LHX8: variants seen among roughly 807,000 people sequenced by gnomAD.
LHX8 encodes LIM homeobox 8.
In LHX8, 12 loss-of-function variants were observed where a neutral mutation model predicts 40.3. The observed-to-expected ratio is 0.30, with a 90% CI of 0.19 to 0.48. LHX8 has a LOEUF of 0.48. LHX8 is among the 20% of genes least tolerant of loss of function. The pLI is 0.99. For synonymous variants in LHX8, 179 were observed against 162.0 expected, an observed-to-expected ratio of 1.10 and a Z score of -0.80; for missense variants, 344 against 433.7, an observed-to-expected ratio of 0.79 and a Z score of 1.84.
intron 8 of LHX8, among the ~76,000 whole-genome samples, chr1:75,158,497 T>G (rs1419375267): frequency 6.6e-6 from 1 of 152,198 alleles, no homozygotes; most frequent in Admixed American, 6.5e-5. Context: ...TCTTCTATGA[T>G]ATCATCTAGA....
chr1:75,135,463 G>C (rs1648094293), intron 1 of LHX8, among the ~76,000 whole-genome samples: 1 of 152,196 alleles, frequency 6.6e-6, no homozygotes, highest in African/African-American at 2.4e-5. Context: ...GCTGGGTCCC[G>C]CGTAGGGAGC....
the LHX8 span, among the ~76,000 whole-genome samples, chr1:75,184,754 CA>C: frequency 6.7e-6 from 1 of 149,980 alleles, no homozygotes; most frequent in African/African-American, 2.4e-5. Flanking sequence ...AGAAATAACA[CA>C]AATCAGAGCT....
At chr1:75,161,591 C>A (rs1253928941), downstream of LHX8, 2 of 151,396 alleles carry the variant, frequency 1.3e-5, no homozygotes, top group African/African-American at 4.9e-5. Flanking sequence ...TCTTTAAAAT[C>A]TAACAACTAA....
the LHX8 span, among the ~76,000 whole-genome samples, chr1:75,167,069 C>A: frequency 1.3e-5 from 2 of 152,138 alleles, no homozygotes; most frequent in Admixed American, 6.5e-5. Context: ...GGACTTCTGG[C>A]CTTTGTGAAG....
chr1:75,138,321 T>A (rs1648210314), intron 3 of LHX8, among the ~76,000 whole-genome samples: 1 of 152,214 alleles, frequency 6.6e-6, no homozygotes, highest in Non-Finnish European at 1.5e-5. Flanking sequence ...GAGTATGTGT[T>A]CAAAATTCGT....
chr1:75,181,010 A>G, the LHX8 span, among the ~76,000 whole-genome samples: 49 of 146,982 alleles, frequency 3.3e-4, no homozygotes, highest in Admixed American at 3.2e-3. Context: ...TTGCCTGGGT[A>G]TCACCAGCGT....
chr1:75,143,237 A>G lies in LHX8; in HGVS notation c.479A>G (p.Gln160Arg), dbSNP rs767872147. 6.2e-7 allele frequency: 1 copy of G among 1,613,892 alleles called. No homozygotes were observed. Among genetic ancestry groups the G allele is most frequent in the Non-Finnish European group, 8.5e-7 (1 of 1,179,820 alleles). Residue 160 changes from glutamine (Q) to arginine (R), a missense_variant, in exon 5 of 9, where the codon CAA becomes CGA. Coordinates refer to ENST00000356261, the MANE Select transcript of LHX8 (RefSeq NM_001256114.2). ...TTTGCCTGCTTTTCCTGCAAAAGGC[A>G]ACTTTCCACAGGAGAGGAGTTTGCT... ...ACFACFSCKR[Q>R]LSTGEEFALV...
At chr1:75,180,395 A>C in the LHX8 span, among the ~76,000 whole-genome samples, 1 of 150,866 alleles carries the variant, frequency 6.6e-6, no homozygotes, top group Non-Finnish European at 1.5e-5. Context: ...ATTTCTTTTT[A>C]CTCTTTTTTC....
chr1:75,172,565 C>A, the LHX8 span, among the ~76,000 whole-genome samples: 17 of 152,176 alleles, frequency 1.1e-4, no homozygotes, highest in African/African-American at 4.1e-4. Flanking sequence ...AAATTCACAT[C>A]ATTTCCCTTA....
At position 75,143,841 on chromosome 1, in the gene LHX8, G is replaced by C; in HGVS notation, c.581-4G>C. The C allele has an allele frequency of 6.2e-7, 1 of 1,608,812 alleles. No homozygotes were observed. The highest frequency in any genetic ancestry group is 1.7e-5 in the Admixed American group (1 of 59,934). On this transcript the variant is annotated splice_polypyrimidine_tract_variant and splice_region_variant and intron_variant, in intron 5 of 8. Coordinates refer to ENST00000356261, the MANE Select transcript of LHX8 (RefSeq NM_001256114.2). ...AACATATATAGTGTGTTTTTTAAAT[G>C]CAGGGAATGGGATTAGTGTGGAAGG...
At chr1:75,151,990 G>T (rs999849549) in intron 7 of LHX8, among the ~76,000 whole-genome samples, 2 of 152,106 alleles carry the variant, frequency 1.3e-5, no homozygotes, top group East Asian at 1.9e-4. Flanking sequence ...AAATATTTTT[G>T]ATATGATTCC....
At chr1:75,174,110 A>G in the LHX8 span, among the ~76,000 whole-genome samples, 2 of 152,152 alleles carry the variant, frequency 1.3e-5, no homozygotes, top group East Asian at 3.9e-4. Flanking sequence ...CCTTAGTCCA[A>G]GGAGTTGGTC....
chr1:75,136,985 G>A (rs1648161061), intron 2 of LHX8, 115 bp from the exon 3 acceptor site: 1 of 1,183,084 alleles, frequency 8.5e-7, no homozygotes, highest in African/African-American at 1.5e-5. Context: ...AGCTGGGGGT[G>A]GGGTGGGGTG....
the LHX8 span, among the ~76,000 whole-genome samples, chr1:75,184,048 T>A: frequency 6.6e-6 from 1 of 152,118 alleles, no homozygotes; most frequent in African/African-American, 2.4e-5. Flanking sequence ...ACAATAATGG[T>A]AAAGAGTGCA....
At chr1:75,142,460 T>C (rs911201365) in intron 4 of LHX8, among the ~76,000 whole-genome samples, 5 of 152,178 alleles carry the variant, frequency 3.3e-5, no homozygotes, top group Admixed American at 6.6e-5. Flanking sequence ...CTGCATTTAA[T>C]GTCCAGTTAG....
At chr1:75,190,532 A>C in the LHX8 span, among the ~76,000 whole-genome samples, 2 of 152,192 alleles carry the variant, frequency 1.3e-5, no homozygotes, top group Admixed American at 6.5e-5. Flanking sequence ...TATGAAATGT[A>C]AATACCATTT....
intron 3 of LHX8, among the ~76,000 whole-genome samples, chr1:75,140,071 G>T (rs981432357): frequency 2.6e-5 from 4 of 152,200 alleles, no homozygotes; most frequent in Non-Finnish European, 4.4e-5. Context: ...TTGCATGCAA[G>T]CCAGTTCTAT....
Position 75,161,220 on chromosome 1 carries a change from G to T in LHX8, c.*325G>T. Reference sequence around the variant, plus strand: ...CCTAAAAGAAAGGACTGACAAGTGTGCAAAATGTTTACAATCTTTTGTGAA... The same window carrying T: ...CCTAAAAGAAAGGACTGACAAGTGTTCAAAATGTTTACAATCTTTTGTGAA... On this transcript the variant is annotated 3_prime_UTR_variant, in exon 9 of 9. Coordinates refer to ENST00000356261, the MANE Select transcript of LHX8 (RefSeq NM_001256114.2). The T allele has an allele frequency of 3.9e-6, 1 of 255,034 alleles. No individual in the cohort carries two copies. The allele number at this position is 255,034 out of a possible 1,614,324, so 15.8% of individuals were successfully genotyped here.
the LHX8 span, among the ~76,000 whole-genome samples, chr1:75,198,209 A>G: frequency 0.016 from 2,496 of 152,204 alleles, 75 homozygotes; most frequent in African/African-American, 0.057. Context: ...AGAAGGAGGG[A>G]AAGTCACCTA....
Sources: allele counts gnomAD v4.1 joint callset (sites outside exome capture counted in the v4.1 genomes callset), GRCh38; gene constraint gnomAD v4.1.1; transcripts MANE v1.5; gene names NCBI Gene and HGNC (gene_info 2026-07-23, HGNC 2026-07-21).